CFAP77: variants seen among roughly 807,000 people sequenced by gnomAD.
The protein encoded by CFAP77 is cilia- and flagella-associated protein 77.
A neutral mutation model predicts 31.1 loss-of-function variants in CFAP77; 25 were observed. The ratio of observed to expected loss-of-function variants is 0.80; its 90% CI spans 0.59 to 1.12. The LOEUF is 1.12. Among genes scored for constraint, CFAP77 ranks in the 50% most tolerant of loss-of-function variants. CFAP77 has a pLI of 0.00. For missense variants in CFAP77, 377 were observed against 397.3 expected (o/e 0.95, Z 0.44); for synonymous variants, 151 against 159.9 (o/e 0.94, Z 0.42).
intron 3 of CFAP77, among the ~76,000 whole-genome samples, chr9:132,505,435 C>T (rs1185001902): frequency 6.6e-6 from 1 of 152,086 alleles, no homozygotes; most frequent in Non-Finnish European, 1.5e-5. Flanking sequence ...ATCCCAAAGC[C>T]TCTGTGGCTT....
chr9:132,535,936 C>T (rs1157663305), intron 3 of CFAP77, among the ~76,000 whole-genome samples: 1 of 152,084 alleles, frequency 6.6e-6, no homozygotes, highest in East Asian at 1.9e-4. Context: ...AAAGTTCTAG[C>T]TTTCCTTTCT....
At chr9:132,463,807 C>T (rs1222366234) in intron 1 of CFAP77, among the ~76,000 whole-genome samples, 1 of 152,176 alleles carries the variant, frequency 6.6e-6, no homozygotes. Context: ...CAGCGGAGGT[C>T]CCTGGTGTCC....
chr9:132,433,939 C>T (rs1317628315), intron 1 of CFAP77, among the ~76,000 whole-genome samples: 1 of 150,390 alleles, frequency 6.6e-6, no homozygotes, highest in Non-Finnish European at 1.5e-5. Context: ...GAGTTAGAGA[C>T]CAGCCTGGGC....
chr9:132,432,832 G>A (rs1850434508), intron 1 of CFAP77, among the ~76,000 whole-genome samples: 1 of 152,132 alleles, frequency 6.6e-6, no homozygotes, highest in Non-Finnish European at 1.5e-5. Flanking sequence ...TCCTGCCTTA[G>A]CCTCCCGAGT....
intron 1 of CFAP77, among the ~76,000 whole-genome samples, chr9:132,416,297 A>T (rs1850094409): frequency 7.4e-6 from 1 of 135,404 alleles, no homozygotes; most frequent in Non-Finnish European, 1.6e-5. Context: ...ATAACTGTTG[A>T]TATGCTATAA....
intron 1 of CFAP77, among the ~76,000 whole-genome samples, chr9:132,462,849 T>G (rs918549972): frequency 6.6e-6 from 1 of 152,112 alleles, no homozygotes; most frequent in Non-Finnish European, 1.5e-5. Context: ...AAGAACACGT[T>G]TGTATATACA....
rs1006253460 is a variant in CFAP77, at chr9:132,498,942, T to C, written c.295+148T>C. Reference sequence around the variant, plus strand: ...ACCGCCAGCCTGGGCAGCTGACTGGTAAAACCCAGGAAGTGGCCCAGATGG... The same window carrying C: ...ACCGCCAGCCTGGGCAGCTGACTGGCAAAACCCAGGAAGTGGCCCAGATGG... On this transcript the variant is annotated intron_variant, in intron 2 of 5. Coordinates refer to ENST00000393216, the MANE Select transcript of CFAP77 (RefSeq NM_001282957.2). This position sits in a 1 kb window ranked among gnomAD's most constrained non-coding sequence, Gnocchi z 4.2. The C allele has an allele frequency of 3.1e-6, 2 of 639,466 alleles. No homozygotes were observed. The highest frequency in any genetic ancestry group is 3.7e-5 in the African/African-American group (2 of 54,690). The allele number at this position is 639,466 out of a possible 1,614,324, so 39.6% of individuals were successfully genotyped here. A position where few individuals can be genotyped will look rare whatever the true frequency, so the allele number is the denominator to read the frequency against.
intron 1 of CFAP77, among the ~76,000 whole-genome samples, chr9:132,452,941 G>A (rs1471867668): frequency 6.6e-6 from 1 of 152,148 alleles, no homozygotes; most frequent in Non-Finnish European, 1.5e-5. Context: ...GCTCTTAGTG[G>A]CGCTGCCATT....
intron 1 of CFAP77, among the ~76,000 whole-genome samples, chr9:132,456,341 G>C (rs187496147): frequency 6.6e-6 from 1 of 152,288 alleles, no homozygotes; most frequent in Admixed American, 6.5e-5. Context: ...GCCTTGTCAC[G>C]TGCCTGTGCC....
In CFAP77 at chr9:132,511,250, C is replaced by T. The variant is rs775754973; in HGVS notation, c.524+11650C>T. 6.6e-6 allele frequency among the ~76,000 whole-genome samples: 1 copy of T among 152,172 alleles called. No individual in the cohort carries two copies. Among genetic ancestry groups the T allele is most frequent in the African/African-American group, 2.4e-5 (1 of 41,456 alleles). ...TGACTCTGACTCCCCCAAGCTAAAC[C>T]TCCTTCAGTCCCCTGAACTCCCTCC... On this transcript the variant is annotated intron_variant, in intron 3 of 5. Transcript: ENST00000393216. The surrounding 1 kb of genome is among the most constrained non-coding windows in gnomAD (Gnocchi z 5.8).
chr9:132,515,048 T>G (rs1277249145), intron 3 of CFAP77, among the ~76,000 whole-genome samples: 1 of 151,904 alleles, frequency 6.6e-6, no homozygotes, highest in South Asian at 2.1e-4. Context: ...AGGCTCAGAG[T>G]TGGGACTCTC....
intron 5 of CFAP77, among the ~76,000 whole-genome samples, chr9:132,549,024 C>T (rs1280658418): frequency 1.3e-5 from 2 of 152,170 alleles, no homozygotes; most frequent in African/African-American, 4.8e-5. Context: ...TATATCTCAG[C>T]AGCCAGCCAA....
chr9:132,425,098 G>A (rs1463306202), intron 1 of CFAP77, among the ~76,000 whole-genome samples: 1 of 152,142 alleles, frequency 6.6e-6, no homozygotes, highest in Non-Finnish European at 1.5e-5. Context: ...TCATTACCCT[G>A]CCTTGTCAGC....
rs571252296 is a variant in CFAP77, at chr9:132,437,573, G to A, written c.195+27107G>A. On this transcript the variant is annotated intron_variant, in intron 1 of 5. Transcript: ENST00000393216. ...CACCCAGGCTGGAGAGCAGTGACGC[G>A]ATCTCGGCTCTCTGCAAACTCCGCC... Among the ~76,000 whole-genome samples the A allele has an allele frequency of 1.2e-4, 17 of 144,696 alleles. No individual in the cohort carries two copies. In the East Asian group the frequency reaches 2.1e-3, roughly 18 times the overall value. The allele number at this position is 144,696 out of a possible 152,430, so 94.9% of individuals were successfully genotyped here. A position where few individuals can be genotyped will look rare whatever the true frequency, so the allele number is the denominator to read the frequency against.
chr9:132,524,741 C>T (rs1001976193), intron 3 of CFAP77, among the ~76,000 whole-genome samples: 4 of 151,922 alleles, frequency 2.6e-5, no homozygotes, highest in Non-Finnish European at 4.4e-5. Flanking sequence ...CTCCGCCTCC[C>T]GGGTTCACAC....
At chr9:132,458,349 G>GA (rs1491445913) in intron 1 of CFAP77, among the ~76,000 whole-genome samples, 1 of 114,104 alleles carries the variant, frequency 8.8e-6, no homozygotes, top group Non-Finnish European at 1.9e-5. Context: ...TGGCGGGGGA[G>GA]GGGGGGGGGT....
intron 5 of CFAP77, among the ~76,000 whole-genome samples, chr9:132,566,455 G>A (rs868601963): frequency 9.9e-5 from 15 of 152,206 alleles, no homozygotes; most frequent in Middle Eastern, 3.2e-3. Flanking sequence ...CAAATAAGCA[G>A]GTCTGTTCTT....
intron 1 of CFAP77, among the ~76,000 whole-genome samples, chr9:132,493,486 C>T (rs1189561843): frequency 6.6e-6 from 1 of 152,200 alleles, no homozygotes; most frequent in Non-Finnish European, 1.5e-5. Context: ...GGACAGAGAG[C>T]ACATTGCTCC....
At chr9:132,523,431 C>A (rs1852304489) in intron 3 of CFAP77, among the ~76,000 whole-genome samples, 1 of 152,198 alleles carries the variant, frequency 6.6e-6, no homozygotes, top group Non-Finnish European at 1.5e-5. Flanking sequence ...GCAGAGGCAC[C>A]TGTACTGTAT....
Sources: allele counts gnomAD v4.1 joint callset (sites outside exome capture counted in the v4.1 genomes callset), GRCh38; gene constraint gnomAD v4.1.1; non-coding constraint Gnocchi (gnomAD v3.1); transcripts MANE v1.5; gene names NCBI Gene and HGNC (gene_info 2026-07-23, HGNC 2026-07-21).